The following TUT7 variants were observed in gnomAD, a reference collection of about 807,000 sequenced individuals.
TUT7 encodes terminal uridylyl transferase 7.
Under a neutral mutation model 165.9 loss-of-function variants are expected in TUT7, and 33 were observed. The ratio of observed to expected loss-of-function variants is 0.20; its 90% CI spans 0.15 to 0.27. TUT7 has a LOEUF of 0.27. TUT7 is among the 10% of genes least tolerant of loss of function. The probability of loss-of-function intolerance (pLI) is 1.00; values close to 1 mark genes in which losing one functional copy is unlikely to be tolerated. For synonymous variants in TUT7, 552 were observed against 608.1 expected, an observed-to-expected ratio of 0.91 and a Z score of 1.36; for missense variants, 1,338 against 1,762.3, an observed-to-expected ratio of 0.76 and a Z score of 4.31.
intron 17 of TUT7, among the ~76,000 whole-genome samples, chr9:86,316,708 A>C (rs1828754834): frequency 6.6e-6 from 1 of 152,194 alleles, no homozygotes; most frequent in Non-Finnish European, 1.5e-5. Context: ...AGTCTTTCAT[A>C]CTTACGCATA....
chr9:86,288,821 C>T, intron 26 of TUT7, 77 bp from the exon 27 acceptor site: 1 of 1,171,822 alleles, frequency 8.5e-7, no homozygotes, highest in Non-Finnish European at 1.2e-6. Flanking sequence ...AAAATTACTT[C>T]TTATTAAGTA....
Position 86,346,500 on chromosome 9 carries a change from A to G in TUT7, c.521-20T>C, listed in dbSNP as rs372581904. 16 of 1,607,912 alleles carry G rather than the reference A, an allele frequency of 1.0e-5. No homozygotes were observed. Among genetic ancestry groups the G allele is most frequent in the African/African-American group, 1.3e-5 (1 of 74,384 alleles). On this transcript the variant is annotated intron_variant, in intron 2 of 26. Coordinates refer to ENST00000375963, the MANE Select transcript of TUT7 (RefSeq NM_024617.4). ...TGTTTTCTTAAGGTGGGGGAAAAAT[A>G]TTATTGGCAATATTAAATAATGCCA...
intron 7 of TUT7, among the ~76,000 whole-genome samples, 171 bp downstream of exon 7, chr9:86,340,831 T>C (rs1489288302): frequency 6.6e-6 from 1 of 152,240 alleles, no homozygotes; most frequent in African/African-American, 2.4e-5. Context: ...TTATTCTGCA[T>C]AGTAGAACTA....
chr9:86,297,259 T>C (rs928567615), intron 26 of TUT7, among the ~76,000 whole-genome samples: 23 of 152,190 alleles, frequency 1.5e-4, no homozygotes, highest in African/African-American at 4.8e-4. Flanking sequence ...ACCTTTTCCC[T>C]TTTCTCTGCT....
chr9:86,344,722 A>G, intron 5 of TUT7: 1 of 444,920 alleles, frequency 2.2e-6, no homozygotes, highest in Admixed American at 4.3e-5. Context: ...ACAGTGCCCC[A>G]ATAATGCAGG....
intron 24 of TUT7, among the ~76,000 whole-genome samples, chr9:86,303,791 A>G (rs979837030): frequency 1.3e-5 from 2 of 152,164 alleles, no homozygotes; most frequent in Admixed American, 1.3e-4. Flanking sequence ...CTGATCCTAG[A>G]CCTGCTGAAT....
chr9:86,329,864 T>C (rs1335908348), intron 10 of TUT7, among the ~76,000 whole-genome samples: 1 of 152,154 alleles, frequency 6.6e-6, no homozygotes, highest in East Asian at 1.9e-4. Context: ...AGGGAGACTA[T>C]GACTCATTCT....
At chr9:86,294,183 T>A (rs1228712809) in intron 26 of TUT7, among the ~76,000 whole-genome samples, 4 of 151,432 alleles carry the variant, frequency 2.6e-5, no homozygotes. Flanking sequence ...CTGTCCTTTC[T>A]AATTCCCCTT....
chr9:86,308,123 C>T (rs1218441923), intron 22 of TUT7, among the ~76,000 whole-genome samples: 1 of 152,208 alleles, frequency 6.6e-6, no homozygotes, highest in Non-Finnish European at 1.5e-5. Context: ...CTTAGCGGCA[C>T]TCTTCAAACC....
chr9:86,309,693 T>C (rs773254563), intron 19 of TUT7, 117 bp from the exon 20 acceptor site: 22 of 999,126 alleles, frequency 2.2e-5, no homozygotes, highest in Admixed American at 5.2e-5. Context: ...AAAATCACAT[T>C]GTCAAAGGCA....
chr9:86,322,500 C>T (rs760077647), intron 13 of TUT7, 25 bp from the exon 14 acceptor site: 7 of 1,589,682 alleles, frequency 4.4e-6, no homozygotes, highest in African/African-American at 4.1e-5. Flanking sequence ...CAAAGCAAAA[C>T]AAGACTTAAC....
At chr9:86,288,785 A>G in intron 26 of TUT7, 41 bp from the exon 27 acceptor site, 1 of 1,525,018 alleles carries the variant, frequency 6.6e-7, no homozygotes, top group Non-Finnish European at 9.0e-7. Flanking sequence ...TAAATGAAAC[A>G]AGCCTCGCTT....
intron 17 of TUT7, among the ~76,000 whole-genome samples, chr9:86,314,547 C>T (rs1828532724): frequency 6.6e-6 from 1 of 152,164 alleles, no homozygotes; most frequent in African/African-American, 2.4e-5. Context: ...TCAAATAACC[C>T]AGATAGTGAC....
Position 86,301,533 on chromosome 9 carries a change from C to T in TUT7, c.4163G>A (p.Ser1388Asn). The change falls in exon 26 of 27, where the codon AGC becomes AAC. Residue 1388 changes from serine to asparagine, a missense_variant. Transcript: ENST00000375963. The part of the protein sequence containing the change: ...QRYPENKEKR[S>N]KEDKEIHNKY... ...GTTGTGAATTTCTTTGTCCTCTTTG[C>T]TTCTTTTTTCCTTGTTCTCAGGGTA... The T allele has an allele frequency of 6.2e-7, 1 of 1,613,794 alleles. No individual in the cohort carries two copies. The highest frequency in any genetic ancestry group is 8.5e-7 in the Non-Finnish European group (1 of 1,179,998).
At chr9:86,289,082 C>T (rs1424596384) in intron 26 of TUT7, among the ~76,000 whole-genome samples, 1 of 152,116 alleles carries the variant, frequency 6.6e-6, no homozygotes, top group Non-Finnish European at 1.5e-5. Context: ...TGCAGCCAAA[C>T]ATAATAGATT....
At position 86,345,910 on chromosome 9, in the gene TUT7, A is replaced by G. The variant is rs989693302; in HGVS notation, c.703-125T>C. 2.1e-5 allele frequency: 15 copies of G among 715,902 alleles called. 1 individual carries two copies. Among genetic ancestry groups the G allele is most frequent in the East Asian group, 1.0e-4 (4 of 38,190 alleles). 44.3% of individuals were successfully genotyped at this position (715,902 alleles called of 1,614,324 possible). A position where few individuals can be genotyped will look rare whatever the true frequency, so the allele number is the denominator to read the frequency against. On this transcript the variant is annotated intron_variant, in intron 3 of 26. Transcript: ENST00000375963. The stretch of plus-strand genomic sequence containing the variant: ...TCTCTAAAGAGACAGGAGTCTCACT[A>G]TGTTGCCCTGGCTGGAGTGAACTGG...
At chr9:86,341,802 AGCCTTCAT>A (rs745397314) in intron 6 of TUT7, among the ~76,000 whole-genome samples, 5 of 152,086 alleles carry the variant, frequency 3.3e-5, no homozygotes, top group Non-Finnish European at 4.4e-5. Context: ...TCTTCAAAGA[AGCCTTCAT>A]GACTGCTGTA....
chr9:86,313,543 A>G (rs1289418099), intron 17 of TUT7, among the ~76,000 whole-genome samples: 1 of 152,200 alleles, frequency 6.6e-6, no homozygotes, highest in African/African-American at 2.4e-5. Context: ...ATGAGGAAAC[A>G]GAGACCCAGA....
At chr9:86,337,597 G>C in intron 9 of TUT7, 59 bp from the exon 10 acceptor site, 1 of 1,557,836 alleles carries the variant, frequency 6.4e-7, no homozygotes, top group Non-Finnish European at 8.7e-7. Flanking sequence ...TCATTTACAC[G>C]ATTTGGCCTA....
Sources: gnomAD v4.1 joint callset for allele counts (sites outside exome capture counted in the v4.1 genomes callset) on GRCh38, gnomAD v4.1.1 for gene constraint, MANE v1.5 for transcripts, NCBI Gene and HGNC (gene_info 2026-07-23, HGNC 2026-07-21) for gene names.